EVPL: variants seen among roughly 807,000 people sequenced by gnomAD.
EVPL encodes the protein envoplakin, also known as 210 kDa cornified envelope precursor protein.
EVPL carries 94 observed loss-of-function variants against 129.7 expected under a neutral mutation model. That is an observed-to-expected ratio of 0.72 (90% CI 0.61 to 0.86). EVPL has a LOEUF of 0.86. EVPL is among the 40% of genes least tolerant of loss of function. The pLI is 0.00. For synonymous variants in EVPL, 1,172 were observed against 1,191.1 expected (o/e 0.98, Z 0.33); for missense variants, 2,625 against 2,721.1 (o/e 0.96, Z 0.79).
rs1282128590 is a variant in EVPL, at chr17:76,009,410, C to T, written c.3795G>A (p.Glu1265=). ...QEVVRHERSP[E]VLREIDRLKA... is the part of the protein sequence containing the mutation. The stretch of plus-strand genomic sequence containing the variant: ...TCAGGCGGTCGATCTCACGCAGCAC[C>T]TCGGGGCTCCTCTCATGCCTCACCA... Residue 1265 remains glutamate, a synonymous_variant, in exon 22 of 22, where the codon GAG becomes GAA. Coordinates refer to ENST00000301607, the MANE Select transcript of EVPL (RefSeq NM_001988.4). This position sits in a 1 kb window ranked among gnomAD's most constrained non-coding sequence, Gnocchi z 5.9. 6.2e-7 allele frequency: 1 copy of T among 1,614,014 alleles called. No homozygotes were observed. The highest frequency in any genetic ancestry group is 1.3e-5 in the African/African-American group (1 of 74,934).
rs577035220 is a variant in EVPL at position 76,015,706 on chromosome 17, G to A, written c.1711-78C>T. The A allele has an allele frequency of 9.1e-6, 13 of 1,432,208 alleles. No individual in the cohort carries two copies. The East Asian group carries it at 1.5e-4, about 16-fold the overall frequency. The allele number at this position is 1,432,208 out of a possible 1,614,324, so 88.7% of individuals were successfully genotyped here. A position where few individuals can be genotyped will look rare whatever the true frequency, so the allele number is the denominator to read the frequency against. On this transcript the variant is annotated intron_variant, in intron 14 of 21. Coordinates refer to ENST00000301607, the MANE Select transcript of EVPL (RefSeq NM_001988.4). ...TTCTACCAGGATACCCTAACTCTGC[G>A]CCCATGGAGGCAGTAGAGTGTGGTG...
intron 12 of EVPL, 44 bp from the exon 13 acceptor site, chr17:76,018,302 T>C (rs749253032): frequency 2.6e-6 from 4 of 1,520,798 alleles, no homozygotes; most frequent in South Asian, 2.5e-5. Flanking sequence ...CCACTCTGCC[T>C]CTCTCCCTCC....
rs1338599059 is a variant in EVPL at position 76,014,989 on chromosome 17, G to C, written c.2149C>G (p.Leu717Val). Reference sequence around the variant, plus strand: ...CGCACCTGGCGCTGCTGGCGAGGCAGGTCTTGGCAGAACTCCTGGAAGTTG... The same window carrying C: ...CGCACCTGGCGCTGCTGGCGAGGCACGTCTTGGCAGAACTCCTGGAAGTTG... ...QNNFQEFCQD[L>V]PRQQRQVRAL... The change falls in exon 17 of 22, where the codon CTG becomes GTG. Residue 717 changes from leucine to valine, a missense_variant. Leu to Val is a conservative substitution (Grantham distance 32). Coordinates refer to ENST00000301607, the MANE Select transcript of EVPL (RefSeq NM_001988.4). The C allele has an allele frequency of 1.0e-5, 16 of 1,597,062 alleles. No homozygotes were observed. The highest frequency in any genetic ancestry group is 1.2e-5 in the Non-Finnish European group (14 of 1,176,542).
At chr17:76,014,308 C>A (rs149100738) in intron 18 of EVPL, 118 bp downstream of exon 18, 2 of 1,374,078 alleles carry the variant, frequency 1.5e-6, no homozygotes, top group African/African-American at 3.0e-5. Flanking sequence ...CAGCTGGAGG[C>A]CAGGGAAGGG....
rs1076871 is a variant in EVPL at position 76,010,055 on chromosome 17, C to T, written c.3150G>A (p.Ser1050=). 41,496 of 1,613,124 alleles carry T rather than the reference C, an allele frequency of 0.026. 650 individuals carry two copies. The highest frequency in any genetic ancestry group is 0.031 in the Non-Finnish European group (36,915 of 1,180,026). ...QQLRGEDAVI[S]ARLEGLKKEL... ...CCTTCTTCAGCCCTTCCAGCCGGGC[C>T]GAGATGACGGCATCCTCCCCGCGGA... The change falls in exon 22 of 22, where the codon TCG becomes TCA. Residue 1050 remains serine (S), a synonymous_variant. Transcript: ENST00000301607.
In EVPL at chr17:76,008,336, C is replaced by G. The variant is rs1474288118; in HGVS notation, c.4869G>C (p.Lys1623Asn). ...CCGCCTTCTGTCGCTCGCTCTCCGTCTTCTGGCTGAGCAGCTTCGACTCCT... is the reference window on the plus strand; with the variant it reads ...CCGCCTTCTGTCGCTCGCTCTCCGTGTTCTGGCTGAGCAGCTTCGACTCCT... ...LQEESKLLSQ[K>N]TESERQKAAQ... The change falls in exon 22 of 22, where the codon AAG becomes AAC. Residue 1623 changes from lysine to asparagine, a missense_variant. This residue lies in a region of EVPL where 1,453 missense variants were observed against 1,511.8 expected (regional missense o/e 0.96). Coordinates refer to ENST00000301607, the MANE Select transcript of EVPL (RefSeq NM_001988.4). The surrounding 1 kb of genome is among the most constrained non-coding windows in gnomAD (Gnocchi z 7.4). 6.2e-7 allele frequency: 1 copy of G among 1,605,686 alleles called. No individual in the cohort carries two copies. The highest frequency in any genetic ancestry group is 8.5e-7 in the Non-Finnish European group (1 of 1,179,776).
intron 8 of EVPL, 55 bp downstream of exon 8, chr17:76,021,619 T>TA: frequency 1.5e-6 from 2 of 1,307,704 alleles, no homozygotes; most frequent in Non-Finnish European, 2.1e-6. Context: ...CCGCCCCACC[T>TA]CCCCCCTTCC....
intron 9 of EVPL, 73 bp from the exon 10 acceptor site, chr17:76,019,726 C>A: frequency 6.5e-7 from 1 of 1,529,596 alleles, no homozygotes; most frequent in Non-Finnish European, 8.7e-7. Flanking sequence ...ACCAGCTGAA[C>A]CTAAGCCAGC....
At position 76,021,674 on chromosome 17, in the gene EVPL, C is replaced by T; in HGVS notation, c.915G>A (p.Gln305=). ...TCACTCTCGCCCTGCCCCAGCGCAC[C>T]TGGATGGGCCCCACCGCGGGGTGCC... The part of the protein sequence containing the change: ...ELRHPAVGPI[Q]AHQEALKMEW... Residue 305 remains glutamine (Q), a splice_region_variant and synonymous_variant, in exon 8 of 22, where the codon CAG becomes CAA. Transcript: ENST00000301607. 1.9e-6 allele frequency: 3 copies of T among 1,607,990 alleles called. No individual in the cohort carries two copies. The highest frequency in any genetic ancestry group is 2.5e-6 in the Non-Finnish European group (3 of 1,178,684).
Position 76,014,926 on chromosome 17 carries a change from G to A in EVPL, c.2212C>T (p.Leu738=). Reference sequence around the variant, plus strand: ...GACCCAGTCGCTCACCGCAGGTCCAGCTGGTCCCCTACGGCGTGGTAGCGG... The same window carrying A: ...GACCCAGTCGCTCACCGCAGGTCCAACTGGTCCCCTACGGCGTGGTAGCGG... ...TDRYHAVGDQ[L]DLREKVVQDA... The change falls in exon 17 of 22, where the codon CTG becomes TTG. Residue 738 remains leucine, a synonymous_variant. Transcript: ENST00000301607. 6.3e-7 allele frequency: 1 copy of A among 1,584,776 alleles called. No homozygotes were observed. Among genetic ancestry groups the A allele is most frequent in the Non-Finnish European group, 8.6e-7 (1 of 1,164,534 alleles).
chr17:76,017,658 A>G, intron 14 of EVPL, 81 bp downstream of exon 14: 1 of 1,546,578 alleles, frequency 6.5e-7, no homozygotes, highest in Non-Finnish European at 8.7e-7. Context: ...CCGCTCCTGC[A>G]CTTGCCTCAC....
rs1317521295 is a variant in EVPL, at chr17:76,010,041, C to G, written c.3164G>C (p.Gly1055Ala). Residue 1055 changes from glycine (G) to alanine (A), a missense_variant, in exon 22 of 22, where the codon GGG becomes GCG. Coordinates refer to ENST00000301607, the MANE Select transcript of EVPL (RefSeq NM_001988.4). ...EDAVISARLE[G>A]LKKELLALEK... is the part of the protein sequence containing the mutation. ...AAGGGCCAGTAGCTCCTTCTTCAGC[C>G]CTTCCAGCCGGGCCGAGATGACGGC... 5.0e-6 allele frequency: 8 copies of G among 1,613,112 alleles called. No homozygotes were observed. Among genetic ancestry groups the G allele is most frequent in the Non-Finnish European group, 6.8e-6 (8 of 1,180,038 alleles).
chr17:76,014,364 T>C (rs1005797830), intron 18 of EVPL, 62 bp downstream of exon 18: 38 of 1,557,992 alleles, frequency 2.4e-5, no homozygotes, highest in Non-Finnish European at 3.2e-5. Flanking sequence ...TTAGAGCGCT[T>C]CTGAGCTTTG....
chr17:76,021,304 C>T (rs2066455110), intron 9 of EVPL, among the ~76,000 whole-genome samples, 164 bp downstream of exon 9: 1 of 152,020 alleles, frequency 6.6e-6, no homozygotes, highest in East Asian at 1.9e-4. Flanking sequence ...GATCCACCAG[C>T]CTCGGCCTCC....
intron 1 of EVPL, among the ~76,000 whole-genome samples, chr17:76,025,509 C>T (rs550699013): frequency 6.2e-4 from 95 of 152,324 alleles, no homozygotes; most frequent in African/African-American, 2.0e-3. Context: ...GCTGCAGGTG[C>T]TGGGCCCTGG....
rs1329366152 is a variant in EVPL at position 76,018,525 on chromosome 17, C to T, written c.1360G>A (p.Gly454Ser). ...DPHAWVVQGP[G>S]GETKRAPAAC... ...GCGGGAGCACGCTTGGTCTCCCCGC[C>T]AGGGCCCTGCACGACCCAGGCGTGC... The change falls in exon 12 of 22, where the codon GGC becomes AGC. Residue 454 changes from glycine (G) to serine (S), a missense_variant. Gly to Ser is a moderately conservative substitution (Grantham distance 56, BLOSUM62 0). Around this residue, in one of 4 missense-constraint regions of EVPL, gnomAD observed 1,024 missense variants for 997.5 expected, o/e 1.03. Transcript: ENST00000301607. 1.9e-6 allele frequency: 3 copies of T among 1,612,672 alleles called. No homozygotes were observed. In the African/African-American group the frequency reaches 4.0e-5, roughly 22 times the overall value.
chr17:76,011,048 C>T (rs1002821837), intron 21 of EVPL, among the ~76,000 whole-genome samples: 4 of 152,022 alleles, frequency 2.6e-5, no homozygotes, highest in African/African-American at 9.7e-5. Flanking sequence ...GGTGATAGAG[C>T]GAGACTCCGT....
chr17:76,020,774 C>G (rs2066452051), intron 9 of EVPL, among the ~76,000 whole-genome samples: 1 of 151,986 alleles, frequency 6.6e-6, no homozygotes, highest in African/African-American at 2.4e-5. Flanking sequence ...CCAGGCTGGT[C>G]TGGAACTACT....
rs2066468895 is a variant in EVPL at position 76,022,480 on chromosome 17, G to C, written c.539C>G (p.Ala180Gly). ...CTCCTTCTGCAGGATGTTGTGCTCG[G>C]CGATCTGTTGCTCCAGCTCCGCCAT... ...PGMAELEQQI[A>G]EHNILQKEID... The change falls in exon 5 of 22, where the codon GCC (alanine) becomes GGC (glycine). Residue 180 changes from alanine to glycine, a missense_variant. Physicochemically the swap from Ala to Gly is moderately conservative, Grantham distance 60. Coordinates refer to ENST00000301607, the MANE Select transcript of EVPL (RefSeq NM_001988.4). This position sits in a 1 kb window ranked among gnomAD's most constrained non-coding sequence, Gnocchi z 5.6. 3.1e-6 allele frequency: 5 copies of C among 1,613,250 alleles called. No homozygotes were observed. Among genetic ancestry groups the C allele is most frequent in the Non-Finnish European group, 3.4e-6 (4 of 1,179,824 alleles).
Sources: gnomAD v4.1 joint callset for allele counts (sites outside exome capture counted in the v4.1 genomes callset) on GRCh38, gnomAD v4.1.1 for gene constraint, gnomAD v4.1.1 regional missense constraint, Gnocchi (gnomAD v3.1) non-coding constraint, MANE v1.5 for transcripts, NCBI Gene and HGNC (gene_info 2026-07-23, HGNC 2026-07-21) for gene names.